GAS6: variants seen among roughly 807,000 people sequenced by gnomAD.
The protein encoded by GAS6 is growth arrest specific 6, also known as growth arrest-specific protein 6.
Under a neutral mutation model 75.8 loss-of-function variants are expected in GAS6, and 41 were observed. That is an observed-to-expected ratio of 0.54 (90% CI 0.42 to 0.70). The LOEUF is 0.70. Ranked by LOEUF, GAS6 falls within the 30% of genes least tolerant of loss-of-function variation. GAS6 has a pLI of 0.00. For synonymous variants in GAS6, 432 were observed against 412.6 expected (o/e 1.05, Z -0.57); for missense variants, 854 against 940.2 (o/e 0.91, Z 1.20).
intron 2 of GAS6, among the ~76,000 whole-genome samples, chr13:113,849,032 C>G (rs1404523802): frequency 6.6e-6 from 1 of 152,210 alleles, no homozygotes; most frequent in Non-Finnish European, 1.5e-5. Context: ...GCCTTTCTGC[C>G]TCCTTCCCAC....
At chr13:113,835,682 G>T (rs779985309) in intron 6 of GAS6, 47 bp from the exon 7 acceptor site, 1 of 1,600,924 alleles carries the variant, frequency 6.2e-7, no homozygotes, top group Non-Finnish European at 8.5e-7. Flanking sequence ...CGGCATCTCA[G>T]ACGGGGCTGG....
At chr13:113,825,748 T>C (rs1309701171) in intron 12 of GAS6, among the ~76,000 whole-genome samples, 13 of 152,230 alleles carry the variant, frequency 8.5e-5, no homozygotes, top group Admixed American at 3.9e-4. Flanking sequence ...GTGTGCACAG[T>C]CAGTCCAGCC....
chr13:113,859,245 T>C (rs1016178465), intron 2 of GAS6, among the ~76,000 whole-genome samples: 5 of 151,892 alleles, frequency 3.3e-5, no homozygotes, highest in Non-Finnish European at 7.4e-5. Flanking sequence ...TGTGTGCCTA[T>C]GTATGCATGT....
rs532370500 is a variant in GAS6 at position 113,863,060 on chromosome 13, G to A, written c.255+515C>T. 6.6e-6 allele frequency among the ~76,000 whole-genome samples: 1 copy of A among 152,168 alleles called. No homozygotes were observed. Among genetic ancestry groups the A allele is most frequent in the Admixed American group, 6.5e-5 (1 of 15,284 alleles). On this transcript the variant is annotated intron_variant, in intron 2 of 14. Coordinates refer to ENST00000327773, the MANE Select transcript of GAS6 (RefSeq NM_000820.4). This position sits in a 1 kb window ranked among gnomAD's most constrained non-coding sequence, Gnocchi z 9.4. ...CCTCCAGGAGAGCACCTGGCAGAAC[G>A]GGGCCGCGGAGCCGCCCTCCCCTCC... is the stretch of plus-strand genomic sequence containing the variant.
At chr13:113,859,628 A>G (rs991425055) in intron 2 of GAS6, among the ~76,000 whole-genome samples, 5 of 152,088 alleles carry the variant, frequency 3.3e-5, no homozygotes, top group Non-Finnish European at 5.9e-5. Flanking sequence ...GTGTGCATGT[A>G]TATCTGTGTC....
Position 113,848,148 on chromosome 13 carries a change from G to GA in GAS6, c.256-99_256-98insT. On this transcript the variant is annotated intron_variant, in intron 2 of 14. Coordinates refer to ENST00000327773, the MANE Select transcript of GAS6 (RefSeq NM_000820.4). This position sits in a 1 kb window ranked among gnomAD's most constrained non-coding sequence, Gnocchi z 4.8. ...AGCTGGTTAATCAGAGGCTGCTCTC[G>GA]GGGCAGCCAGAGGGCCGCCCCACCC... 2 of 1,361,734 alleles carry GA rather than the reference G, an allele frequency of 1.5e-6. No individual in the cohort carries two copies. The highest frequency in any genetic ancestry group is 2.0e-6 in the Non-Finnish European group (2 of 975,824). 84.4% of individuals were successfully genotyped at this position (1,361,734 alleles called of 1,614,324 possible).
chr13:113,826,380 T>C (rs2051538587), intron 12 of GAS6, among the ~76,000 whole-genome samples: 1 of 137,344 alleles, frequency 7.3e-6, no homozygotes, highest in South Asian at 2.2e-4. Context: ...GCTCCCAGCC[T>C]CCCCGGCCTC....
intron 6 of GAS6, among the ~76,000 whole-genome samples, chr13:113,836,847 TG>T (rs1262441301): frequency 2.7e-4 from 5 of 18,684 alleles, no homozygotes; most frequent in African/African-American, 6.9e-4. Flanking sequence ...GGAGGGGGAG[TG>T]GGGGGGAGGA....
intron 2 of GAS6, among the ~76,000 whole-genome samples, chr13:113,850,273 A>G (rs2051863015): frequency 1.3e-5 from 2 of 152,146 alleles, no homozygotes; most frequent in Non-Finnish European, 2.9e-5. Flanking sequence ...TGCATTAGCC[A>G]TATCTCCAGA....
chr13:113,825,778 C>G (rs1459302290), intron 12 of GAS6, among the ~76,000 whole-genome samples: 3 of 152,184 alleles, frequency 2.0e-5, no homozygotes, highest in Non-Finnish European at 4.4e-5. Context: ...TGGCGCTTTT[C>G]TCAGATGCCT....
At chr13:113,849,829 T>C (rs1368099800) in intron 2 of GAS6, among the ~76,000 whole-genome samples, 1 of 152,170 alleles carries the variant, frequency 6.6e-6, no homozygotes, top group Non-Finnish European at 1.5e-5. Flanking sequence ...ATTTGCATGT[T>C]TGATTATTTG....
chr13:113,848,585 T>C lies in GAS6; in HGVS notation c.256-535A>G, dbSNP rs1207734123. ...AGTCCTGGAACCACCTGCCTGTCAC[T>C]TGGCCAGCAGAGGCCGGCCGGAAAC... On this transcript the variant is annotated intron_variant, in intron 2 of 14. Transcript: ENST00000327773. This position sits in a 1 kb window ranked among gnomAD's most constrained non-coding sequence, Gnocchi z 4.8. Among the ~76,000 whole-genome samples the C allele has an allele frequency of 6.6e-6, 1 of 152,154 alleles. No individual in the cohort carries two copies. The highest frequency in any genetic ancestry group is 1.5e-5 in the Non-Finnish European group (1 of 68,018).
chr13:113,841,605 G>GC (rs1405173768), intron 4 of GAS6: 6 of 133,656 alleles, frequency 4.5e-5, no homozygotes, highest in Admixed American at 8.9e-5. Context: ...TCCTCCATAT[G>GC]CCCAGTTTCC....
rs1044187556 is a variant in GAS6 at position 113,822,195 on chromosome 13, G to C, written c.1654-9C>G. 11 of 1,525,560 alleles carry C rather than the reference G, an allele frequency of 7.2e-6. No individual in the cohort carries two copies. The highest frequency in any genetic ancestry group is 5.4e-5 in the African/African-American group (4 of 73,690). The allele number at this position is 1,525,560 out of a possible 1,614,324, so 94.5% of individuals were successfully genotyped here. On this transcript the variant is annotated splice_polypyrimidine_tract_variant and intron_variant, in intron 13 of 14. Transcript: ENST00000327773. ...ACGGCCAGGACCACCAGCTGCAGGA[G>C]ACCGAGGTGTGGTCAGGGCCTGCCG...
At chr13:113,859,201 T>C (rs1220870667) in intron 2 of GAS6, among the ~76,000 whole-genome samples, 3 of 121,998 alleles carry the variant, frequency 2.5e-5, no homozygotes, top group Non-Finnish European at 4.9e-5. Flanking sequence ...TGCATGTCTG[T>C]GTGTGTGACT....
In GAS6 at chr13:113,827,029, CG is replaced by C; in HGVS notation, c.1443del (p.Ser483AlafsTer25). ...AGGCTGTAGAAGGCGAAGCCGCTCCCGGGGTAGAAAGAGCCTCTCTCCGTCA... is the reference window on the plus strand; with the variant it reads ...AGGCTGTAGAAGGCGAAGCCGCTCCCGGGTAGAAAGAGCCTCTCTCCGTCA... ...FSVTERGSFYPGSGFAFYSLD... is the reference protein window; with the variant it reads ...FSVTERGSFYXGSGFAFYSLD... On this transcript the variant is annotated frameshift_variant, in exon 12 of 15. Transcript: ENST00000327773. 6.2e-7 allele frequency: 1 copy of C among 1,613,340 alleles called. No homozygotes were observed. The highest frequency in any genetic ancestry group is 8.5e-7 in the Non-Finnish European group (1 of 1,179,966).
At chr13:113,857,934 C>T (rs1183281271) in intron 2 of GAS6, among the ~76,000 whole-genome samples, 3 of 152,248 alleles carry the variant, frequency 2.0e-5, no homozygotes, top group Non-Finnish European at 4.4e-5. Flanking sequence ...CAGGAGAGGG[C>T]TGCGGAGCCA....
At position 113,821,745 on chromosome 13, in the gene GAS6, CG is replaced by C. The variant is rs1330585466; in HGVS notation, c.1882+212del. 9 of 540,282 alleles carry C rather than the reference CG, an allele frequency of 1.7e-5. No individual in the cohort carries two copies. The Admixed American group carries it at 1.8e-4, about 11-fold the overall frequency. 33.5% of individuals were successfully genotyped at this position (540,282 alleles called of 1,614,324 possible). On this transcript the variant is annotated intron_variant, in intron 14 of 14. Transcript: ENST00000327773. ...ACTCAGGCCAATGCCGGCCCCCGTACGTGTTTCTCAGTCTCAGCCAATGACC... is the reference window on the plus strand; with the variant it reads ...ACTCAGGCCAATGCCGGCCCCCGTACTGTTTCTCAGTCTCAGCCAATGACC...
intron 2 of GAS6, among the ~76,000 whole-genome samples, chr13:113,857,759 C>T (rs183141233): frequency 9.7e-4 from 148 of 152,362 alleles, no homozygotes; most frequent in Admixed American, 2.7e-3. Flanking sequence ...TTTCTCAAAA[C>T]GTCTTTAATT....
Sources: gnomAD v4.1 joint callset for allele counts (sites outside exome capture counted in the v4.1 genomes callset) on GRCh38, gnomAD v4.1.1 for gene constraint, Gnocchi (gnomAD v3.1) non-coding constraint, MANE v1.5 for transcripts, NCBI Gene and HGNC (gene_info 2026-07-23, HGNC 2026-07-21) for gene names.